COG4: variants seen among roughly 807,000 people sequenced by gnomAD.
The protein encoded by COG4 is conserved oligomeric Golgi complex subunit 4.
Under a neutral mutation model 95.1 loss-of-function variants are expected in COG4, and 65 were observed. The ratio of observed to expected loss-of-function variants is 0.68; its 90% CI spans 0.56 to 0.84. The LOEUF (loss-of-function observed/expected upper bound fraction) is 0.84, where lower values mean the gene tolerates loss of function less well. Ranked by LOEUF, COG4 falls within the 40% of genes least tolerant of loss-of-function variation. The pLI is 0.00. For missense variants in COG4, 1,045 were observed against 989.1 expected (o/e 1.06, Z -0.76); for synonymous variants, 421 against 374.8 (o/e 1.12, Z -1.42).
intron 13 of COG4, among the ~76,000 whole-genome samples, chr16:70,488,610 C>A (rs2049183511): frequency 6.6e-6 from 1 of 150,536 alleles, no homozygotes; most frequent in African/African-American, 2.4e-5. Flanking sequence ...TGCAGTGACG[C>A]AATCTCGGCT....
chr16:70,521,198 C>A (rs1010317226), intron 1 of COG4, among the ~76,000 whole-genome samples: 58 of 152,056 alleles, frequency 3.8e-4, no homozygotes, highest in Admixed American at 2.0e-3. Context: ...GAGGCATGAG[C>A]CACTTGTGCC....
chr16:70,519,682 ATGG>A lies in COG4; in HGVS notation c.218_220del (p.Thr73del). The stretch of plus-strand genomic sequence containing the variant: ...GTGGAGAGTGACCATCTTACTTTCA[ATGG>A]TGTTTTGCTGTTCCAAAAGAGCATC... On this transcript the variant is annotated inframe_deletion, in exon 2 of 19. Coordinates refer to ENST00000323786, the MANE Select transcript of COG4 (RefSeq NM_015386.3). 1 of 1,614,020 alleles carries A rather than the reference ATGG, an allele frequency of 6.2e-7. No individual in the cohort carries two copies. The highest frequency in any genetic ancestry group is 8.5e-7 in the Non-Finnish European group (1 of 1,179,946).
At position 70,509,976 on chromosome 16, in the gene COG4, C is replaced by G. The variant is rs780714946; in HGVS notation, c.784G>C (p.Asp262His). The G allele has an allele frequency of 6.2e-7, 1 of 1,614,072 alleles. No homozygotes were observed. The highest frequency in any genetic ancestry group is 1.7e-5 in the Admixed American group (1 of 60,008). The change falls in exon 6 of 19, where the codon GAC becomes CAC. Residue 262 changes from aspartate to histidine, a missense_variant. Coordinates refer to ENST00000323786, the MANE Select transcript of COG4 (RefSeq NM_015386.3). ...ACTGCAGCTCTCCGATCACTCATGTCTGTCCCCAGCACCATGAGCAGATTC... is the reference window on the plus strand; with the variant it reads ...ACTGCAGCTCTCCGATCACTCATGTGTGTCCCCAGCACCATGAGCAGATTC... ...EENLLMVLGT[D>H]MSDRRAAVIF... is the part of the protein sequence containing the mutation.
intron 2 of COG4, among the ~76,000 whole-genome samples, chr16:70,519,014 G>A (rs537427880): frequency 2.0e-4 from 31 of 151,232 alleles, no homozygotes; most frequent in Admixed American, 1.8e-3. Flanking sequence ...AACTTGAGCT[G>A]TGCATTAGAA....
rs2049362579 is a variant in COG4 at position 70,497,418 on chromosome 16, T to A, written c.1315-31A>T. The A allele has an allele frequency of 1.9e-6, 3 of 1,607,204 alleles. No homozygotes were observed. The South Asian group carries it at 3.3e-5, about 18-fold the overall frequency. Reference sequence around the variant, plus strand: ...CAAAAGGCAAAGCCAACACTGAGGGTCCCAGTTGTGCATGTCATGTTCTAG... The same window carrying A: ...CAAAAGGCAAAGCCAACACTGAGGGACCCAGTTGTGCATGTCATGTTCTAG... On this transcript the variant is annotated intron_variant, in intron 10 of 18. Coordinates refer to ENST00000323786, the MANE Select transcript of COG4 (RefSeq NM_015386.3).
chr16:70,512,431 C>G lies in COG4; in HGVS notation c.546G>C (p.Gly182=), dbSNP rs1363696522. 3 of 1,613,350 alleles carry G rather than the reference C, an allele frequency of 1.9e-6. No homozygotes were observed. The highest frequency in any genetic ancestry group is 1.1e-5 in the South Asian group (1 of 90,964). ...ATTTCAGGTTGGCATCAATCATGCT[C>G]CCTGCTCAACAGGGAGAAAATGAAA... ...VIELSRQGKE[G]SMIDANLKLL... Residue 182 remains glycine (G), a splice_region_variant and synonymous_variant, in exon 5 of 19, where the codon GGG becomes GGC. Coordinates refer to ENST00000323786, the MANE Select transcript of COG4 (RefSeq NM_015386.3).
At chr16:70,482,535 C>T in intron 15 of COG4, 194 bp downstream of exon 15, 1 of 653,064 alleles carries the variant, frequency 1.5e-6, no homozygotes, top group South Asian at 1.7e-5. Context: ...AAGGCAAACT[C>T]CATGTCTTTC....
At chr16:70,513,154 A>T (rs2049747372) in intron 4 of COG4, among the ~76,000 whole-genome samples, 1 of 152,220 alleles carries the variant, frequency 6.6e-6, no homozygotes, top group Non-Finnish European at 1.5e-5. Context: ...GATGAAAAGA[A>T]TATTTGCAGA....
At chr16:70,515,012 C>CTTT (rs545289187) in intron 3 of COG4, among the ~76,000 whole-genome samples, 15,922 of 140,420 alleles carry the variant, frequency 0.11, 3,139 homozygotes, top group African/African-American at 0.4. Flanking sequence ...CAGAGCCCAA[C>CTTT]TTTTTTTTTT....
At chr16:70,490,228 A>C (rs1422063634) in intron 13 of COG4, 102 bp downstream of exon 13, 2 of 979,012 alleles carry the variant, frequency 2.0e-6, no homozygotes, top group East Asian at 2.4e-5. Context: ...GTGTGGCTCA[A>C]TGTCACCAAG....
intron 9 of COG4, among the ~76,000 whole-genome samples, chr16:70,498,449 C>T (rs987364028): frequency 6.6e-6 from 1 of 152,112 alleles, no homozygotes; most frequent in Non-Finnish European, 1.5e-5. Context: ...CTGCCTCAGC[C>T]TCCCGAGTAG....
At chr16:70,517,777 G>C (rs746808829) in intron 2 of COG4, 37 bp from the exon 3 acceptor site, 5 of 1,422,854 alleles carry the variant, frequency 3.5e-6, no homozygotes, top group Non-Finnish European at 5.0e-6. Flanking sequence ...CATAACGATA[G>C]GGCAGAGAAG....
intron 10 of COG4, 90 bp from the exon 11 acceptor site, chr16:70,497,477 C>G (rs1233879456): frequency 1.5e-5 from 19 of 1,242,132 alleles, no homozygotes; most frequent in Non-Finnish European, 2.1e-5. Context: ...AGCTCTGCTC[C>G]CTTTTCTGTA....
At chr16:70,482,637 G>A in intron 15 of COG4, 92 bp downstream of exon 15, 3 of 1,004,402 alleles carry the variant, frequency 3.0e-6, no homozygotes, top group Non-Finnish European at 4.7e-6. Context: ...AAGCATGGAA[G>A]GTCTAGTCTG....
intron 8 of COG4, among the ~76,000 whole-genome samples, chr16:70,505,040 G>A (rs568665204): frequency 6.6e-6 from 1 of 152,178 alleles, no homozygotes; most frequent in South Asian, 2.1e-4. Flanking sequence ...ATATGTATTA[G>A]CTATTGCTAT....
chr16:70,485,880 C>T (rs9929354), intron 13 of COG4, among the ~76,000 whole-genome samples: 18,045 of 148,900 alleles, frequency 0.12, 3,588 homozygotes, highest in African/African-American at 0.42. Flanking sequence ...CCACCGTGTA[C>T]GGCCCAGAAT....
intron 5 of COG4, among the ~76,000 whole-genome samples, chr16:70,511,305 C>CCT (rs35995784): frequency 0.56 from 85,623 of 151,812 alleles, 27,091 homozygotes; most frequent in African/African-American, 0.87. Context: ...TGTTTTGTGC[C>CCT]GTTTAACAAA....
rs201956492 is a variant in COG4 at position 70,501,136 on chromosome 16, T to G, written c.1062-45A>C. 4.4e-6 allele frequency: 7 copies of G among 1,604,088 alleles called. No individual in the cohort carries two copies. In the East Asian group the frequency reaches 1.1e-4, roughly 26 times the overall value. ...AGGAATAGGACGACAATGGATTACC[T>G]TAGACACAAGAGCTACAGGGCAAAG... On this transcript the variant is annotated intron_variant, in intron 8 of 18. Transcript: ENST00000323786.
intron 4 of COG4, among the ~76,000 whole-genome samples, chr16:70,513,837 C>A (rs76921938): frequency 0.036 from 5,407 of 151,102 alleles, 295 homozygotes; most frequent in East Asian, 0.2. Flanking sequence ...GAAAGTGAAA[C>A]CACACATAGG....
Sources: allele counts gnomAD v4.1 joint callset (sites outside exome capture counted in the v4.1 genomes callset), GRCh38; gene constraint gnomAD v4.1.1; transcripts MANE v1.5; gene names NCBI Gene and HGNC (gene_info 2026-07-23, HGNC 2026-07-21).